The following CEP112 variants were observed in gnomAD, a reference collection of about 807,000 sequenced individuals.
CEP112 encodes centrosomal protein of 112 kDa.
A neutral mutation model predicts 153.0 loss-of-function variants in CEP112; 127 were observed. The ratio of observed to expected loss-of-function variants is 0.83; its 90% CI spans 0.72 to 0.96. The LOEUF is 0.96. Ranked by LOEUF, CEP112 falls within the 40% of genes least tolerant of loss-of-function variation. The pLI is 0.00. For synonymous variants in CEP112, 358 were observed against 374.4 expected (o/e 0.96, Z 0.51); for missense variants, 1,089 against 1,101.2 (o/e 0.99, Z 0.16).
At chr17:65,842,468 G>A (rs974686978) in intron 21 of CEP112, among the ~76,000 whole-genome samples, 3 of 152,012 alleles carry the variant, frequency 2.0e-5, no homozygotes, top group Non-Finnish European at 4.4e-5. Flanking sequence ...AAGATTATTC[G>A]GGAAACTGTG....
chr17:66,156,110 C>T (rs1335602802), intron 4 of CEP112, among the ~76,000 whole-genome samples: 3 of 152,188 alleles, frequency 2.0e-5, no homozygotes, highest in African/African-American at 7.2e-5. Flanking sequence ...CAGCAGGGGT[C>T]GACAGAAACC....
chr17:65,869,832 G>A (rs893833016), intron 20 of CEP112, among the ~76,000 whole-genome samples: 4 of 151,770 alleles, frequency 2.6e-5, no homozygotes, highest in Non-Finnish European at 2.9e-5. Flanking sequence ...TGATCCACCC[G>A]CCTAGGTCTC....
At chr17:66,065,629 C>T (rs984599324) in intron 10 of CEP112, among the ~76,000 whole-genome samples, 2 of 140,248 alleles carry the variant, frequency 1.4e-5, no homozygotes, top group African/African-American at 5.3e-5. Flanking sequence ...ATTTTAAAAT[C>T]TTTTTTTTTT....
chr17:65,818,113 GAACTA>G (rs1156349482), intron 21 of CEP112, among the ~76,000 whole-genome samples: 1 of 151,740 alleles, frequency 6.6e-6, no homozygotes, highest in East Asian at 1.9e-4. Context: ...AAGTTTAACT[GAACTA>G]AACTGGTCTT....
At chr17:65,754,896 G>C (rs1162158831) in intron 21 of CEP112, among the ~76,000 whole-genome samples, 1 of 152,116 alleles carries the variant, frequency 6.6e-6, no homozygotes, top group Admixed American at 6.5e-5. Context: ...AGAACACATG[G>C]ACACATGGGG....
At chr17:66,095,175 A>G (rs566067169) in intron 8 of CEP112, among the ~76,000 whole-genome samples, 4 of 152,318 alleles carry the variant, frequency 2.6e-5, no homozygotes, top group Admixed American at 2.6e-4. Flanking sequence ...TGAAATTGCT[A>G]TATTGAAGAG....
At chr17:65,978,569 T>C (rs1295695638) in intron 17 of CEP112, among the ~76,000 whole-genome samples, 1 of 152,230 alleles carries the variant, frequency 6.6e-6, no homozygotes, top group Admixed American at 6.5e-5. Context: ...GATAAATATA[T>C]TAAAACCATT....
intron 4 of CEP112, among the ~76,000 whole-genome samples, chr17:66,164,728 C>T (rs1451090366): frequency 2.0e-5 from 3 of 151,554 alleles, no homozygotes; most frequent in East Asian, 1.9e-4. Flanking sequence ...TGGTGGCAGG[C>T]GCCCGTAATC....
intron 18 of CEP112, among the ~76,000 whole-genome samples, chr17:65,937,479 A>G (rs1319721829): frequency 5.9e-5 from 7 of 117,926 alleles, no homozygotes; most frequent in East Asian, 5.0e-4. Context: ...CCGTCTGAGA[A>G]GTGAGGAGAC....
chr17:65,792,740 G>A (rs2054663009), intron 21 of CEP112, among the ~76,000 whole-genome samples: 1 of 152,104 alleles, frequency 6.6e-6, no homozygotes, highest in African/African-American at 2.4e-5. Context: ...ATGTACCCCT[G>A]AACTTAGATG....
chr17:65,729,041 GT>G (rs906000673), intron 23 of CEP112, among the ~76,000 whole-genome samples: 1 of 152,014 alleles, frequency 6.6e-6, no homozygotes, highest in African/African-American at 2.4e-5. Context: ...GAAACACATT[GT>G]GCAGCTATAC....
chr17:65,649,483 G>A lies in CEP112; in HGVS notation c.2698-8418C>T. Among the ~76,000 whole-genome samples the A allele has an allele frequency of 1.3e-5, 2 of 152,094 alleles. 1 individual carries two copies. Among genetic ancestry groups the A allele is most frequent in the Non-Finnish European group, 2.9e-5 (2 of 68,012 alleles). On this transcript the variant is annotated intron_variant, in intron 24 of 26. Transcript: ENST00000535342. ...TCTAATCCCAGCACTTTGGGAGGCT[G>A]AGGCAGGAGTATTGCTTGAACTCAA... is the stretch of plus-strand genomic sequence containing the variant.
chr17:65,889,374 A>C (rs1172607635), intron 20 of CEP112, among the ~76,000 whole-genome samples: 2 of 152,196 alleles, frequency 1.3e-5, no homozygotes, highest in Non-Finnish European at 2.9e-5. Context: ...AACTCGAGAA[A>C]ATAAACTAAT....
chr17:66,177,214 T>G (rs2072519466), intron 2 of CEP112, among the ~76,000 whole-genome samples, 194 bp from the exon 3 acceptor site: 1 of 152,214 alleles, frequency 6.6e-6, no homozygotes, highest in African/African-American at 2.4e-5. Context: ...CACTGTAGCA[T>G]GAAAGCACTC....
chr17:65,866,124 C>G (rs947751593), intron 20 of CEP112, among the ~76,000 whole-genome samples: 1 of 152,148 alleles, frequency 6.6e-6, no homozygotes, highest in African/African-American at 2.4e-5. Flanking sequence ...TCAGCACTCT[C>G]GGGGGCCTGG....
At chr17:65,970,539 GAA>G (rs2062690525) in intron 17 of CEP112, among the ~76,000 whole-genome samples, 1 of 151,004 alleles carries the variant, frequency 6.6e-6, no homozygotes, top group Admixed American at 6.6e-5. Flanking sequence ...TATAACACAT[GAA>G]TATTACATGA....
At chr17:66,100,867 TGTATTAG>T (rs1287077771) in intron 6 of CEP112, among the ~76,000 whole-genome samples, 4 of 152,132 alleles carry the variant, frequency 2.6e-5, no homozygotes, top group Non-Finnish European at 4.4e-5. Context: ...TCATTTATAT[TGTATTAG>T]GTACTATAAG....
chr17:65,729,423 G>T (rs927176921), intron 23 of CEP112, among the ~76,000 whole-genome samples: 1 of 151,936 alleles, frequency 6.6e-6, no homozygotes, highest in African/African-American at 2.4e-5. Context: ...AGTAATTGCG[G>T]TTTTTGCCAT....
chr17:66,000,229 T>C (rs1310224678), intron 17 of CEP112, among the ~76,000 whole-genome samples: 5 of 86,486 alleles, frequency 5.8e-5, no homozygotes, highest in African/African-American at 1.7e-4. Flanking sequence ...CACTGGCATC[T>C]GTTTTTTTTT....
Sources: gnomAD v4.1 joint callset for allele counts (sites outside exome capture counted in the v4.1 genomes callset) on GRCh38, gnomAD v4.1.1 for gene constraint, MANE v1.5 for transcripts, NCBI Gene and HGNC (gene_info 2026-07-23, HGNC 2026-07-21) for gene names.